The following CDK14 variants were observed in gnomAD, a reference collection of about 807,000 sequenced individuals.
CDK14 encodes the protein cyclin dependent kinase 14.
A neutral mutation model predicts 60.7 loss-of-function variants in CDK14; 34 were observed. The ratio of observed to expected loss-of-function variants is 0.56; its 90% CI spans 0.43 to 0.75. The LOEUF is 0.75. CDK14 is among the 30% of genes least tolerant of loss of function. The pLI, the probability that CDK14 is intolerant of heterozygous loss-of-function variation, is 0.00. For missense variants in CDK14, 482 were observed against 564.1 expected (o/e 0.85, Z 1.47); for synonymous variants, 197 against 203.7 (o/e 0.97, Z 0.28).
At chr7:90,874,118 T>C (rs972816620) in intron 6 of CDK14, among the ~76,000 whole-genome samples, 2 of 152,190 alleles carry the variant, frequency 1.3e-5, no homozygotes, top group African/African-American at 4.8e-5. Context: ...TTTCCAGGCA[T>C]GCCCTTCCCC....
At chr7:90,621,563 A>G (rs1431715701) in intron 2 of CDK14, among the ~76,000 whole-genome samples, 1 of 152,166 alleles carries the variant, frequency 6.6e-6, no homozygotes, top group Non-Finnish European at 1.5e-5. Flanking sequence ...ATAAACAGAT[A>G]ATACTTTTGG....
chr7:90,734,667 T>C (rs1312338613), intron 3 of CDK14, among the ~76,000 whole-genome samples: 1 of 152,182 alleles, frequency 6.6e-6, no homozygotes, highest in East Asian at 1.9e-4. Flanking sequence ...CATTAGTTCA[T>C]TTATATTCTT....
intron 14 of CDK14, among the ~76,000 whole-genome samples, chr7:91,201,015 T>C (rs1202808694): frequency 1.3e-5 from 2 of 152,172 alleles, no homozygotes; most frequent in Non-Finnish European, 2.9e-5. Context: ...AATTTTTTCA[T>C]TATTACCTGG....
intron 4 of CDK14, among the ~76,000 whole-genome samples, chr7:90,783,577 C>T (rs186435156): frequency 6.6e-6 from 1 of 152,054 alleles, no homozygotes; most frequent in East Asian, 1.9e-4. Flanking sequence ...AAACAAAAAT[C>T]CCCCCAAACC....
intron 2 of CDK14, among the ~76,000 whole-genome samples, chr7:90,689,376 A>C (rs1004943078): frequency 1.3e-5 from 2 of 152,096 alleles, no homozygotes; most frequent in Non-Finnish European, 1.5e-5. Context: ...TGTTTTATGT[A>C]TGGACTGAAG....
At chr7:91,095,311 G>A (rs1473802155) in intron 12 of CDK14, among the ~76,000 whole-genome samples, 1 of 152,234 alleles carries the variant, frequency 6.6e-6, no homozygotes, top group Non-Finnish European at 1.5e-5. Context: ...AAAGTGCTTG[G>A]TGGTGAGAGT....
At chr7:90,683,003 G>A (rs991274459) in intron 2 of CDK14, among the ~76,000 whole-genome samples, 10 of 152,156 alleles carry the variant, frequency 6.6e-5, no homozygotes, top group Non-Finnish European at 1.3e-4. Flanking sequence ...TAGTCAAGGT[G>A]TTAGTCGATT....
intron 8 of CDK14, among the ~76,000 whole-genome samples, chr7:90,920,549 C>G (rs1399061125): frequency 6.6e-6 from 1 of 152,188 alleles, no homozygotes; most frequent in East Asian, 1.9e-4. Context: ...CTTGGACATA[C>G]AGGTTGCTGG....
chr7:90,708,371 T>G (rs17716117), intron 2 of CDK14, among the ~76,000 whole-genome samples: 23,759 of 152,130 alleles, frequency 0.16, 1,967 homozygotes, highest in South Asian at 0.18. Flanking sequence ...AAAGTCAGGT[T>G]CTTGAAAGAC....
rs1451036313 is a variant in CDK14 at position 91,126,698 on chromosome 7, C to G, written c.*28+8490C>G. 4.6e-5 allele frequency among the ~76,000 whole-genome samples: 7 copies of G among 152,250 alleles called. No homozygotes were observed. In the East Asian group the frequency reaches 1.4e-3, roughly 29 times the overall value. ...TGTAAAGAAATCAGTAATTACAGAG[C>G]CAGGCATTCAGTTGTGTCCTAATTT... On this transcript the variant is annotated intron_variant, in intron 14 of 14. Transcript: ENST00000380050.
At chr7:91,002,579 G>A (rs1184544285) in intron 10 of CDK14, among the ~76,000 whole-genome samples, 3 of 152,126 alleles carry the variant, frequency 2.0e-5, no homozygotes, top group Admixed American at 6.5e-5. Flanking sequence ...TATGTATTGA[G>A]TATCTACTTT....
intron 3 of CDK14, among the ~76,000 whole-genome samples, chr7:90,742,966 G>A (rs989696747): frequency 3.3e-5 from 5 of 151,974 alleles, no homozygotes; most frequent in Non-Finnish European, 1.5e-5. Context: ...GGGACCCCAA[G>A]TCTAAACATT....
chr7:90,976,916 G>T (rs1795089238), intron 9 of CDK14, among the ~76,000 whole-genome samples: 1 of 152,036 alleles, frequency 6.6e-6, no homozygotes, highest in Non-Finnish European at 1.5e-5. Flanking sequence ...TCTCCCATCT[G>T]TACAGAAGCT....
In CDK14 at chr7:90,615,812, G is replaced by A. The variant is rs1373582761; in HGVS notation, c.123+11563G>A. On this transcript the variant is annotated intron_variant, in intron 2 of 14. Coordinates refer to ENST00000380050, the MANE Select transcript of CDK14 (RefSeq NM_001287135.2). ...ATGGGCTGTGGTAGAGGTGGAGGGT[G>A]AGAGTTTTCAAAGTGCTCTGTAAAG... Among the ~76,000 whole-genome samples the A allele has an allele frequency of 3.9e-5, 6 of 152,300 alleles. No homozygotes were observed. The South Asian group carries it at 8.3e-4, about 21-fold the overall frequency.
chr7:91,146,014 A>G (rs1361612088), intron 14 of CDK14, among the ~76,000 whole-genome samples: 2 of 152,156 alleles, frequency 1.3e-5, no homozygotes, highest in South Asian at 2.1e-4. Context: ...ACTGAACAAT[A>G]ACATTTAAAA....
chr7:91,051,310 A>G (rs1358062730), intron 11 of CDK14, among the ~76,000 whole-genome samples: 1 of 152,208 alleles, frequency 6.6e-6, no homozygotes, highest in Non-Finnish European at 1.5e-5. Flanking sequence ...GAAGGGACAG[A>G]CATCCAAACT....
At chr7:91,098,590 G>A (rs1799076273) in intron 12 of CDK14, among the ~76,000 whole-genome samples, 1 of 151,506 alleles carries the variant, frequency 6.6e-6, no homozygotes, top group Admixed American at 6.6e-5. Flanking sequence ...TCAACATAGA[G>A]TGCTAAACTA....
intron 2 of CDK14, among the ~76,000 whole-genome samples, chr7:90,645,174 T>C (rs774061135): frequency 5.9e-5 from 9 of 152,202 alleles, no homozygotes; most frequent in Non-Finnish European, 1.2e-4. Flanking sequence ...TATGTATATA[T>C]ATTTTACACA....
chr7:90,649,345 C>T (rs1407957442), intron 2 of CDK14, among the ~76,000 whole-genome samples: 7 of 46,610 alleles, frequency 1.5e-4, no homozygotes, highest in Non-Finnish European at 2.1e-4. Flanking sequence ...TCCTTCCTTC[C>T]TTCCTTCCTT....
Sources: gnomAD v4.1 joint callset for allele counts (sites outside exome capture counted in the v4.1 genomes callset) on GRCh38, gnomAD v4.1.1 for gene constraint, MANE v1.5 for transcripts, NCBI Gene and HGNC (gene_info 2026-07-23, HGNC 2026-07-21) for gene names.